The following SLC24A2 variants were observed in gnomAD, a reference collection of about 807,000 sequenced individuals.
The protein encoded by SLC24A2 is sodium/potassium/calcium exchanger 2.
In SLC24A2, 36 loss-of-function variants were observed where a neutral mutation model predicts 62.0. That is an observed-to-expected ratio of 0.58 (90% CI 0.44 to 0.77). The LOEUF is 0.77. Ranked by LOEUF, SLC24A2 falls within the 30% of genes least tolerant of loss-of-function variation. The pLI, the probability that SLC24A2 is intolerant of heterozygous loss-of-function variation, is 0.00. For missense variants in SLC24A2, 846 were observed against 817.9 expected, an observed-to-expected ratio of 1.03 and a Z score of -0.42; for synonymous variants, 358 against 294.0, an observed-to-expected ratio of 1.22 and a Z score of -2.23.
At chr9:19,674,159 G>C (rs977857703) in intron 2 of SLC24A2, among the ~76,000 whole-genome samples, 11 of 152,078 alleles carry the variant, frequency 7.2e-5, no homozygotes, top group African/African-American at 2.7e-4. Context: ...CAAAATTCTT[G>C]GCTGATAATT....
chr9:20,037,654 CT>C, the SLC24A2 span, among the ~76,000 whole-genome samples: 1 of 152,136 alleles, frequency 6.6e-6, no homozygotes, highest in African/African-American at 2.4e-5. Context: ...AAGTCAGGCG[CT>C]TATGATTTGG....
chr9:20,186,131 G>A, the SLC24A2 span, among the ~76,000 whole-genome samples: 1 of 152,232 alleles, frequency 6.6e-6, no homozygotes, highest in South Asian at 2.1e-4. Flanking sequence ...TGAGTCCACT[G>A]TGAGCACATA....
chr9:20,019,279 GAAA>G, the SLC24A2 span, among the ~76,000 whole-genome samples: 1 of 148,950 alleles, frequency 6.7e-6, no homozygotes, highest in Admixed American at 6.7e-5. Flanking sequence ...AAGAAAGAAA[GAAA>G]GAAAGAAAGA....
chr9:20,022,440 C>G, the SLC24A2 span, among the ~76,000 whole-genome samples: 2 of 152,280 alleles, frequency 1.3e-5, no homozygotes, highest in South Asian at 4.2e-4. Context: ...GCAACTTGCC[C>G]AAGCTTTTAC....
At chr9:19,805,439 A>G in the SLC24A2 span, among the ~76,000 whole-genome samples, 2 of 152,160 alleles carry the variant, frequency 1.3e-5, no homozygotes, top group Admixed American at 1.3e-4. Flanking sequence ...TATGCAGAGC[A>G]ACATTACTTC....
the SLC24A2 span, among the ~76,000 whole-genome samples, chr9:20,198,603 G>C: frequency 6.6e-6 from 1 of 152,140 alleles, no homozygotes; most frequent in East Asian, 1.9e-4. Flanking sequence ...TCATGGCTGG[G>C]TGGGTGTTGG....
intron 2 of SLC24A2, among the ~76,000 whole-genome samples, chr9:19,642,926 C>T (rs1455370262): frequency 2.0e-5 from 3 of 149,654 alleles, no homozygotes; most frequent in Non-Finnish European, 3.0e-5. Flanking sequence ...GTGATCTGCC[C>T]GCCTTGGCTT....
chr9:20,083,600 G>A, the SLC24A2 span, among the ~76,000 whole-genome samples: 2 of 152,196 alleles, frequency 1.3e-5, no homozygotes, highest in African/African-American at 4.8e-5. Context: ...CCAGTGTCTG[G>A]AAATCATTTT....
At chr9:19,586,433 C>T (rs564006397) in intron 5 of SLC24A2, among the ~76,000 whole-genome samples, 2 of 152,300 alleles carry the variant, frequency 1.3e-5, no homozygotes, top group Non-Finnish European at 2.9e-5. Flanking sequence ...AAATGATATT[C>T]TGTGCTTACC....
At chr9:19,883,855 G>A in the SLC24A2 span, among the ~76,000 whole-genome samples, 1 of 152,092 alleles carries the variant, frequency 6.6e-6, no homozygotes, top group Non-Finnish European at 1.5e-5. Flanking sequence ...GTATCTCTAA[G>A]GCTCCTCCGA....
Position 19,653,505 on chromosome 9 carries a change from T to G in SLC24A2, c.931-31206A>C, listed in dbSNP as rs138980617. ...GTGTGTGAATGCATATCCTCATGATTTACCAATGCTGATCAATAGTCTTCA... is the reference window on the plus strand; with the variant it reads ...GTGTGTGAATGCATATCCTCATGATGTACCAATGCTGATCAATAGTCTTCA... On this transcript the variant is annotated intron_variant, in intron 2 of 10. Coordinates refer to ENST00000341998, the MANE Select transcript of SLC24A2 (RefSeq NM_020344.4). Among the ~76,000 whole-genome samples, 114 of 152,312 alleles carry G rather than the reference T, an allele frequency of 7.5e-4. 2 individuals are homozygous for G. The highest frequency in any genetic ancestry group is 2.6e-3 in the African/African-American group (110 of 41,558).
chr9:19,539,305 A>T, intron 8 of SLC24A2, among the ~76,000 whole-genome samples: 1 of 117,042 alleles, frequency 8.5e-6, no homozygotes, highest in Non-Finnish European at 1.8e-5. Context: ...TTAGGGTGTC[A>T]ATTTTGGATC....
chr9:20,191,985 G>A, the SLC24A2 span, among the ~76,000 whole-genome samples: 7 of 152,210 alleles, frequency 4.6e-5, no homozygotes, highest in African/African-American at 7.2e-5. Context: ...TCAACTTTCC[G>A]CAGCTCAGGT....
At chr9:19,952,405 A>G in the SLC24A2 span, among the ~76,000 whole-genome samples, 1 of 152,132 alleles carries the variant, frequency 6.6e-6, no homozygotes, top group Admixed American at 6.5e-5. Context: ...GCATCGAGGC[A>G]TTCACCACTG....
At chr9:20,284,281 A>ATT in the SLC24A2 span, among the ~76,000 whole-genome samples, 127 of 149,288 alleles carry the variant, frequency 8.5e-4, 1 homozygote, top group East Asian at 0.015. Flanking sequence ...GTTTTCAGGT[A>ATT]TTTTTTTTTT....
the SLC24A2 span, among the ~76,000 whole-genome samples, chr9:19,971,326 G>T: frequency 6.6e-6 from 1 of 152,136 alleles, no homozygotes; most frequent in African/African-American, 2.4e-5. Context: ...ATTTGTGGTG[G>T]TCTGTTATAC....
chr9:20,216,024 T>C, the SLC24A2 span, among the ~76,000 whole-genome samples: 1 of 152,212 alleles, frequency 6.6e-6, no homozygotes, highest in Admixed American at 6.5e-5. Flanking sequence ...CTTCTGTTAC[T>C]TACAGCAGGG....
chr9:19,592,352 T>C lies in SLC24A2; in HGVS notation c.1129+4877A>G, dbSNP rs149618153. On this transcript the variant is annotated intron_variant, in intron 5 of 10. Coordinates refer to ENST00000341998, the MANE Select transcript of SLC24A2 (RefSeq NM_020344.4). ...AATGAACAAGGATTGACTTTTTAAA[T>C]AGTGGTGAAATTATTTTTCTGGAAA... is the stretch of plus-strand genomic sequence containing the variant. Among the ~76,000 whole-genome samples the C allele has an allele frequency of 2.9e-3, 449 of 152,328 alleles. 4 individuals carry two copies. The highest frequency in any genetic ancestry group is 0.01 in the African/African-American group (435 of 41,572).
intron 5 of SLC24A2, among the ~76,000 whole-genome samples, chr9:19,582,048 A>G (rs1053014700): frequency 7.2e-5 from 11 of 152,214 alleles, no homozygotes; most frequent in African/African-American, 2.4e-4. Flanking sequence ...ATTTTAATAT[A>G]GTTTAGCTTG....
Sources: allele counts gnomAD v4.1 joint callset (sites outside exome capture counted in the v4.1 genomes callset), GRCh38; gene constraint gnomAD v4.1.1; transcripts MANE v1.5; gene names NCBI Gene and HGNC (gene_info 2026-07-23, HGNC 2026-07-21).